Variants in ZNF423 observed in about 807,000 individuals in gnomAD.
ZNF423 encodes zinc finger protein 423, also known as Ebf-associated zinc finger protein.
Under a neutral mutation model 95.8 loss-of-function variants are expected in ZNF423, and 12 were observed. That is an observed-to-expected ratio of 0.13 (90% CI 0.08 to 0.20). The LOEUF (loss-of-function observed/expected upper bound fraction) is 0.20, where lower values mean the gene tolerates loss of function less well. ZNF423 is among the 10% of genes least tolerant of loss of function. The pLI, the probability that ZNF423 is intolerant of heterozygous loss-of-function variation, is 1.00. For missense variants in ZNF423, 1,316 were observed against 1,737.1 expected (o/e 0.76, Z 4.31); for synonymous variants, 749 against 711.9 (o/e 1.05, Z -0.83).
intron 3 of ZNF423, among the ~76,000 whole-genome samples, chr16:49,680,565 T>C (rs576823880): frequency 7.9e-4 from 120 of 152,328 alleles, no homozygotes; most frequent in African/African-American, 2.8e-3. Context: ...GGTTCTGTGG[T>C]TCCTGGCATC....
chr16:49,817,499 C>T (rs1208955008), intron 1 of ZNF423, among the ~76,000 whole-genome samples: 1 of 152,074 alleles, frequency 6.6e-6, no homozygotes, highest in Non-Finnish European at 1.5e-5. Context: ...GAGGACTTTC[C>T]AGGAAGGAAA....
chr16:49,698,116 G>C (rs1043171284), intron 3 of ZNF423, among the ~76,000 whole-genome samples: 6 of 152,208 alleles, frequency 3.9e-5, no homozygotes, highest in African/African-American at 1.4e-4. Flanking sequence ...TTCCCTTCCA[G>C]AGCAAGATCA....
intron 3 of ZNF423, among the ~76,000 whole-genome samples, chr16:49,678,759 G>T (rs1450061245): frequency 6.6e-6 from 1 of 152,228 alleles, no homozygotes; most frequent in African/African-American, 2.4e-5. Context: ...TCTCACAGAG[G>T]TCCTGTAGGT....
intron 3 of ZNF423, among the ~76,000 whole-genome samples, chr16:49,642,825 G>C (rs865855863): frequency 2.8e-5 from 1 of 36,010 alleles, no homozygotes; most frequent in African/African-American, 9.2e-5. Context: ...TTTTTTTTTT[G>C]GCAGGGGCAG....
At chr16:49,784,844 G>A (rs1209792909) in intron 2 of ZNF423, among the ~76,000 whole-genome samples, 2 of 151,704 alleles carry the variant, frequency 1.3e-5, no homozygotes, top group Non-Finnish European at 2.9e-5. Context: ...CAGCTACTCG[G>A]AAGGCTGAGG....
At chr16:49,802,831 T>A (rs2034603200) in intron 1 of ZNF423, among the ~76,000 whole-genome samples, 2 of 152,210 alleles carry the variant, frequency 1.3e-5, no homozygotes, top group Admixed American at 1.3e-4. Flanking sequence ...TACATGTGAG[T>A]TAAAATGAAG....
rs1473026287 is a variant in ZNF423, at chr16:49,530,964, A to G, written c.3602-5470T>C. Among the ~76,000 whole-genome samples the G allele has an allele frequency of 1.3e-5, 2 of 152,148 alleles. 1 individual carries two copies. Among genetic ancestry groups the G allele is most frequent in the Admixed American group, 1.3e-4 (2 of 15,276 alleles). ...GCCACCCCTGCTCCCTGATCACCCA[A>G]AAAAATCCTGGTCAGAAGGAAGACA... On this transcript the variant is annotated intron_variant, in intron 5 of 7. Coordinates refer to ENST00000563137, the MANE Select transcript of ZNF423 (RefSeq NM_001379286.1).
chr16:49,680,932 G>A lies in ZNF423; in HGVS notation c.302-42058C>T, dbSNP rs556016783. Among the ~76,000 whole-genome samples the A allele has an allele frequency of 2.0e-4, 30 of 152,300 alleles. No individual in the cohort carries two copies. In the South Asian group the frequency reaches 6.0e-3, roughly 31 times the overall value. ...TGAAGCAACACCCCAAGGATCCTGT[G>A]ACACCAACTTAGGCTCCCAAAGTGC... is the stretch of plus-strand genomic sequence containing the variant. On this transcript the variant is annotated intron_variant, in intron 3 of 7. Coordinates refer to ENST00000563137, the MANE Select transcript of ZNF423 (RefSeq NM_001379286.1).
At chr16:49,516,004 C>T (rs886732586) in intron 7 of ZNF423, among the ~76,000 whole-genome samples, 5 of 152,146 alleles carry the variant, frequency 3.3e-5, no homozygotes, top group African/African-American at 7.2e-5. Flanking sequence ...CTGACATTTG[C>T]GGGCTGTCTT....
At chr16:49,857,002 C>T (rs1567374535), upstream of ZNF423, among the ~76,000 whole-genome samples, 1 of 148,638 alleles carries the variant, frequency 6.7e-6, no homozygotes, top group African/African-American at 2.4e-5. The surrounding 1 kb of genome is among the most constrained non-coding windows in gnomAD (Gnocchi z 6.2). Context: ...CTCCAGCCGG[C>T]GCCGGCCCGC....
intron 7 of ZNF423, among the ~76,000 whole-genome samples, chr16:49,509,467 G>A (rs1967793854): frequency 6.6e-6 from 1 of 152,100 alleles, no homozygotes; most frequent in Non-Finnish European, 1.5e-5. Flanking sequence ...CCCATGCCCG[G>A]CCCCCAGCAC....
At chr16:49,752,640 G>GA (rs1278130771) in intron 2 of ZNF423, among the ~76,000 whole-genome samples, 1 of 152,218 alleles carries the variant, frequency 6.6e-6, no homozygotes, top group African/African-American at 2.4e-5. Context: ...ATCAGGAGGA[G>GA]AAAAAACCTG....
intron 5 of ZNF423, among the ~76,000 whole-genome samples, chr16:49,599,751 A>G (rs562833241): frequency 4.7e-4 from 72 of 152,372 alleles, no homozygotes; most frequent in African/African-American, 1.7e-3. Context: ...GAAGCCAGAC[A>G]CAAGGACCAC....
chr16:49,499,137 C>T (rs771360916), intron 7 of ZNF423, among the ~76,000 whole-genome samples: 2 of 152,188 alleles, frequency 1.3e-5, no homozygotes, highest in Admixed American at 6.5e-5. Flanking sequence ...AAGGTTTGCC[C>T]GAGTGGGTGT....
chr16:49,783,792 A>T (rs1428923021), intron 2 of ZNF423, among the ~76,000 whole-genome samples: 1 of 152,008 alleles, frequency 6.6e-6, no homozygotes, highest in Non-Finnish European at 1.5e-5. Flanking sequence ...CAACATGGTG[A>T]AACCCCGTCT....
chr16:49,815,875 A>AAC (rs2034831754), intron 1 of ZNF423, among the ~76,000 whole-genome samples: 1 of 62,132 alleles, frequency 1.6e-5, no homozygotes, highest in African/African-American at 7.8e-5. Flanking sequence ...ACAAACAAAA[A>AAC]AAAAAAATAT....
At chr16:49,854,462 G>C (rs2035335520) in intron 1 of ZNF423, 1 of 985,464 alleles carries the variant, frequency 1.0e-6, no homozygotes, top group African/African-American at 1.7e-5. Context: ...GCGCCTTCCC[G>C]CGCAGGCCTC....
intron 3 of ZNF423, among the ~76,000 whole-genome samples, chr16:49,718,830 C>T (rs1401341015): frequency 6.6e-6 from 1 of 152,178 alleles, no homozygotes; most frequent in Non-Finnish European, 1.5e-5. Flanking sequence ...ACCTAATCAC[C>T]TCCTACAGGC....
chr16:49,754,068 A>G (rs1484499529), intron 2 of ZNF423, among the ~76,000 whole-genome samples: 1 of 150,656 alleles, frequency 6.6e-6, no homozygotes, highest in Non-Finnish European at 1.5e-5. Context: ...AAGGTGGAGG[A>G]AGAATAGTTT....
Sources: gnomAD v4.1 joint callset for allele counts (sites outside exome capture counted in the v4.1 genomes callset) on GRCh38, gnomAD v4.1.1 for gene constraint, Gnocchi (gnomAD v3.1) non-coding constraint, MANE v1.5 for transcripts, NCBI Gene and HGNC (gene_info 2026-07-23, HGNC 2026-07-21) for gene names.